The following RBFOX1 variants were observed in gnomAD, a reference collection of about 807,000 sequenced individuals.
RBFOX1 encodes the protein RNA binding protein fox-1 homolog 1.
In RBFOX1, 8 loss-of-function variants were observed where a neutral mutation model predicts 57.7. That is an observed-to-expected ratio of 0.14 (90% CI 0.08 to 0.25). The LOEUF is 0.25. RBFOX1 is among the 10% of genes least tolerant of loss of function. The probability of loss-of-function intolerance (pLI) is 1.00; values close to 1 mark genes in which losing one functional copy is unlikely to be tolerated. For missense variants in RBFOX1, 611 were observed against 548.5 expected (o/e 1.11, Z -1.14); for synonymous variants, 326 against 222.4 (o/e 1.47, Z -4.15).
chr16:7,106,984 A>AAACACACACACAC (rs529197707), intron 4 of RBFOX1, among the ~76,000 whole-genome samples: 2,318 of 148,586 alleles, frequency 0.016, 60 homozygotes, highest in East Asian at 0.072. Flanking sequence ...ACACAGTTAA[A>AAACACACACACAC]ACACACACAC....
intron 1 of RBFOX1, among the ~76,000 whole-genome samples, chr16:5,331,259 A>G (rs2064748054): frequency 6.6e-6 from 1 of 152,238 alleles, no homozygotes; most frequent in Admixed American, 6.5e-5. Context: ...TCATCACCAG[A>G]TGGTTGTCAT....
intron 3 of RBFOX1, among the ~76,000 whole-genome samples, chr16:6,837,242 C>G (rs115670747): frequency 2.0e-5 from 3 of 152,144 alleles, no homozygotes; most frequent in Non-Finnish European, 2.9e-5. Context: ...TTAACACTTG[C>G]ATATTGCTCT....
At chr16:5,472,768 C>G (rs1480560746) in intron 2 of RBFOX1, among the ~76,000 whole-genome samples, 1 of 152,146 alleles carries the variant, frequency 6.6e-6, no homozygotes, top group Non-Finnish European at 1.5e-5. Context: ...CAAGTGTCAG[C>G]TCATAATTAC....
At chr16:6,739,289 A>G (rs1339244781) in intron 3 of RBFOX1, among the ~76,000 whole-genome samples, 1 of 152,070 alleles carries the variant, frequency 6.6e-6, no homozygotes, top group Non-Finnish European at 1.5e-5. Flanking sequence ...GAAGGTGAGA[A>G]TATTACTATA....
intron 1 of RBFOX1, among the ~76,000 whole-genome samples, chr16:6,304,482 A>G (rs1362797846): frequency 6.6e-6 from 1 of 152,022 alleles, no homozygotes; most frequent in Non-Finnish European, 1.5e-5. Flanking sequence ...ACGGAGGAGG[A>G]GGACACTTAG....
At chr16:5,571,981 G>C (rs1321930164) in intron 2 of RBFOX1, among the ~76,000 whole-genome samples, 1 of 152,106 alleles carries the variant, frequency 6.6e-6, no homozygotes, top group Non-Finnish European at 1.5e-5. Flanking sequence ...TCTTATGTGG[G>C]GCCCCAGGAG....
At chr16:6,959,894 C>A (rs1328051425) in intron 3 of RBFOX1, among the ~76,000 whole-genome samples, 1 of 152,104 alleles carries the variant, frequency 6.6e-6, no homozygotes, top group Admixed American at 6.6e-5. Context: ...TGAGATTGTG[C>A]CATTGCACTC....
chr16:5,901,092 G>C (rs1455897422), intron 4 of RBFOX1, among the ~76,000 whole-genome samples: 1 of 152,142 alleles, frequency 6.6e-6, no homozygotes, highest in African/African-American at 2.4e-5. Flanking sequence ...GCTGTGACTA[G>C]TGTCAGGAGA....
chr16:5,523,554 C>G (rs529725733), intron 2 of RBFOX1, among the ~76,000 whole-genome samples: 4 of 152,272 alleles, frequency 2.6e-5, no homozygotes, highest in Admixed American at 6.5e-5. Context: ...ATGGTTGAGA[C>G]TGCAGTGAGC....
At chr16:6,130,977 C>G (rs1395365477) in intron 1 of RBFOX1, among the ~76,000 whole-genome samples, 1 of 152,096 alleles carries the variant, frequency 6.6e-6, no homozygotes, top group African/African-American at 2.4e-5. Flanking sequence ...CATTCATAAC[C>G]AGATCAGCAG....
chr16:5,691,279 G>A (rs2050671089), intron 3 of RBFOX1, among the ~76,000 whole-genome samples: 1 of 152,184 alleles, frequency 6.6e-6, no homozygotes. Context: ...TAGTCATGAA[G>A]CAGAAACATT....
intron 3 of RBFOX1, among the ~76,000 whole-genome samples, chr16:7,017,714 C>G (rs983447709): frequency 6.6e-6 from 1 of 152,144 alleles, no homozygotes; most frequent in African/African-American, 2.4e-5. Context: ...AATAGCTTTT[C>G]TCTTCACGTT....
At chr16:5,836,777 C>A (rs891879039) in intron 3 of RBFOX1, among the ~76,000 whole-genome samples, 3 of 152,196 alleles carry the variant, frequency 2.0e-5, no homozygotes, top group Non-Finnish European at 4.4e-5. Context: ...GTGACAACTA[C>A]AAATGTCTCC....
chr16:5,846,461 G>C (rs771481599), intron 3 of RBFOX1, among the ~76,000 whole-genome samples: 5 of 152,182 alleles, frequency 3.3e-5, no homozygotes, highest in Non-Finnish European at 7.3e-5. Flanking sequence ...TGTTCACTGA[G>C]TGTGCCAACC....
At position 5,400,655 on chromosome 16, in the gene RBFOX1, G is replaced by A. The variant is rs150298062; in HGVS notation, c.220-66561G>A. On this transcript the variant is annotated intron_variant, in intron 1 of 2. Coordinates refer to the RBFOX1 transcript ENST00000585867. The stretch of plus-strand genomic sequence containing the variant: ...CATAGTTTAATTTCCCCTTCCAGTT[G>A]GGCATGATTGATTTTTTTTTTCTAT... Among the ~76,000 whole-genome samples the A allele has an allele frequency of 4.3e-3, 653 of 150,776 alleles. 3 individuals carry two copies. Among genetic ancestry groups the A allele is most frequent in the African/African-American group, 0.015 (607 of 40,652 alleles).
chr16:6,356,252 G>C (rs1343688804), intron 2 of RBFOX1, among the ~76,000 whole-genome samples: 1 of 152,162 alleles, frequency 6.6e-6, no homozygotes, highest in South Asian at 2.1e-4. Context: ...GAAGGAAAGG[G>C]AGCAATGTTG....
intron 4 of RBFOX1, among the ~76,000 whole-genome samples, chr16:7,063,488 C>T (rs1329096954): frequency 1.3e-5 from 2 of 152,152 alleles, no homozygotes; most frequent in Non-Finnish European, 2.9e-5. Flanking sequence ...CTCAGCTCTA[C>T]CCCAGACCTA....
At chr16:7,490,396 A>G (rs372978552) in intron 4 of RBFOX1, among the ~76,000 whole-genome samples, 7 of 152,308 alleles carry the variant, frequency 4.6e-5, no homozygotes, top group Admixed American at 1.3e-4. Context: ...TGGAGCTTGT[A>G]GCTACTCACT....
At chr16:6,602,836 C>G (rs1163084367) in intron 2 of RBFOX1, among the ~76,000 whole-genome samples, 1 of 152,078 alleles carries the variant, frequency 6.6e-6, no homozygotes, top group African/African-American at 2.4e-5. Context: ...GGAGCTCATG[C>G]CCCACACACC....
Sources: gnomAD v4.1 joint callset for allele counts (sites outside exome capture counted in the v4.1 genomes callset) on GRCh38, gnomAD v4.1.1 for gene constraint, MANE v1.5 for transcripts, NCBI Gene and HGNC (gene_info 2026-07-23, HGNC 2026-07-21) for gene names.